The following NPAS3 variants were observed in gnomAD, a reference collection of about 807,000 sequenced individuals.
NPAS3 encodes the protein neuronal PAS domain-containing protein 3.
In NPAS3, 14 loss-of-function variants were observed where a neutral mutation model predicts 73.1. The ratio of observed to expected loss-of-function variants is 0.19; its 90% CI spans 0.13 to 0.30. NPAS3 has a LOEUF of 0.30. NPAS3 is among the 10% of genes least tolerant of loss of function. NPAS3 has a pLI of 1.00. For synonymous variants in NPAS3, 620 were observed against 541.5 expected (o/e 1.14, Z -2.01); for missense variants, 1,096 against 1,250.0 (o/e 0.88, Z 1.86).
chr14:32,935,015 C>A, upstream of NPAS3: 1 of 1,305,294 alleles, frequency 7.7e-7, no homozygotes, highest in Non-Finnish European at 9.8e-7. Context: ...TGAGTAGTCC[C>A]GCCTGGGCTG....
intron 4 of NPAS3, among the ~76,000 whole-genome samples, chr14:33,510,191 A>T (rs1356742899): frequency 6.6e-6 from 1 of 152,014 alleles, no homozygotes; most frequent in African/African-American, 2.4e-5. Flanking sequence ...TGGATACTGA[A>T]ATGAAGCACA....
intron 5 of NPAS3, among the ~76,000 whole-genome samples, chr14:33,638,158 G>A (rs1360696699): frequency 6.6e-6 from 1 of 152,220 alleles, no homozygotes; most frequent in Non-Finnish European, 1.5e-5. Context: ...CCAAGCACTA[G>A]TGACTGTTTG....
chr14:33,055,353 C>T (rs1048165673), intron 1 of NPAS3, among the ~76,000 whole-genome samples: 3 of 152,188 alleles, frequency 2.0e-5, no homozygotes, highest in Non-Finnish European at 4.4e-5. Flanking sequence ...GTGTTCCCGA[C>T]GGCCTTGCTT....
intron 2 of NPAS3, among the ~76,000 whole-genome samples, chr14:33,109,605 C>A (rs1287720732): frequency 3.9e-5 from 6 of 151,900 alleles, no homozygotes; most frequent in African/African-American, 1.5e-4. Flanking sequence ...TATATTCAGT[C>A]CTGCATGTTT....
rs144708818 is a variant in NPAS3 at position 33,740,825 on chromosome 14, G to A, written c.852+5493G>A. ...ACAATTTTTTGTTAAAATATCTTTC[G>A]ATAATTTTTTTTTCTGAATATAAAC... On this transcript the variant is annotated intron_variant, in intron 7 of 11. Transcript: ENST00000356141. Among the ~76,000 whole-genome samples, 4 of 151,978 alleles carry A rather than the reference G, an allele frequency of 2.6e-5. No homozygotes were observed. The East Asian group carries it at 5.8e-4, about 22-fold the overall frequency.
At chr14:33,586,794 A>G (rs550233695) in intron 5 of NPAS3, among the ~76,000 whole-genome samples, 132 of 152,346 alleles carry the variant, frequency 8.7e-4, no homozygotes, top group African/African-American at 3.1e-3. Context: ...TGGCTTTATT[A>G]GGAAGAGGAG....
At chr14:33,764,683 CATGAGGGGCCTCAGGGGGCT>C (rs1290059980) in intron 7 of NPAS3, among the ~76,000 whole-genome samples, 1 of 152,202 alleles carries the variant, frequency 6.6e-6, no homozygotes, top group Non-Finnish European at 1.5e-5. Context: ...GACACTAAGC[CATGAGGGGCCTCAGGGGGCT>C]ATGAAGGGCG....
chr14:33,305,327 G>A (rs997474907), intron 3 of NPAS3, among the ~76,000 whole-genome samples: 7 of 151,790 alleles, frequency 4.6e-5, no homozygotes, highest in Non-Finnish European at 7.4e-5. Context: ...TGCCAAATTC[G>A]CCTAAATCCT....
intron 5 of NPAS3, among the ~76,000 whole-genome samples, chr14:33,594,866 C>T (rs1018016685): frequency 6.6e-6 from 1 of 152,118 alleles, no homozygotes; most frequent in Non-Finnish European, 1.5e-5. Flanking sequence ...CTTCATTCCC[C>T]ATGTAAAATG....
At chr14:33,033,804 A>T (rs2040074759) in intron 1 of NPAS3, among the ~76,000 whole-genome samples, 1 of 152,228 alleles carries the variant, frequency 6.6e-6, no homozygotes, top group Admixed American at 6.5e-5. Flanking sequence ...GTATATTGAC[A>T]TTCCTTTAGT....
intron 7 of NPAS3, among the ~76,000 whole-genome samples, chr14:33,737,928 G>A (rs1295994642): frequency 6.6e-6 from 1 of 152,144 alleles, no homozygotes; most frequent in Non-Finnish European, 1.5e-5. Flanking sequence ...ATCCTAAGAT[G>A]TCAAGCTTTG....
chr14:33,580,505 G>C (rs944872699), intron 5 of NPAS3, among the ~76,000 whole-genome samples: 1 of 152,130 alleles, frequency 6.6e-6, no homozygotes, highest in Non-Finnish European at 1.5e-5. Flanking sequence ...TTAAAGGCTG[G>C]TGAGAGCCTT....
At chr14:33,084,080 A>G (rs1249303946) in intron 2 of NPAS3, among the ~76,000 whole-genome samples, 5 of 152,232 alleles carry the variant, frequency 3.3e-5, no homozygotes, top group Non-Finnish European at 7.3e-5. Flanking sequence ...GTAAAAGTAT[A>G]TCAAAAAGAG....
intron 5 of NPAS3, among the ~76,000 whole-genome samples, chr14:33,647,787 T>C (rs2058876234): frequency 6.6e-6 from 1 of 152,114 alleles, no homozygotes; most frequent in Non-Finnish European, 1.5e-5. Context: ...TTCCCGTATA[T>C]AGTTGGTTTC....
chr14:33,671,150 C>T (rs2059599741), intron 5 of NPAS3, among the ~76,000 whole-genome samples: 1 of 152,166 alleles, frequency 6.6e-6, no homozygotes, highest in Admixed American at 6.5e-5. Flanking sequence ...GCCTACTCCT[C>T]ATCTGCACCA....
chr14:33,693,969 G>A (rs1349304213), intron 6 of NPAS3, among the ~76,000 whole-genome samples: 1 of 151,768 alleles, frequency 6.6e-6, no homozygotes, highest in East Asian at 1.9e-4. Flanking sequence ...AATTGAGCTG[G>A]GATAATTCAC....
At chr14:33,661,111 A>T (rs1184438258) in intron 5 of NPAS3, among the ~76,000 whole-genome samples, 1 of 151,986 alleles carries the variant, frequency 6.6e-6, no homozygotes, top group Non-Finnish European at 1.5e-5. Flanking sequence ...AAAAAAAAAA[A>T]AAAGACAGCC....
chr14:33,197,443 A>AT (rs1215483088), intron 2 of NPAS3, among the ~76,000 whole-genome samples: 1 of 152,080 alleles, frequency 6.6e-6, no homozygotes, highest in Non-Finnish European at 1.5e-5. Flanking sequence ...CATAGACATC[A>AT]TGGCAGTCCC....
At chr14:33,433,206 G>T (rs763401050) in intron 4 of NPAS3, among the ~76,000 whole-genome samples, 1 of 152,024 alleles carries the variant, frequency 6.6e-6, no homozygotes, top group Admixed American at 6.5e-5. Flanking sequence ...TTATAGAAAT[G>T]GTATGTTTTT....
Sources: gnomAD v4.1 joint callset for allele counts (sites outside exome capture counted in the v4.1 genomes callset) on GRCh38, gnomAD v4.1.1 for gene constraint, MANE v1.5 for transcripts, NCBI Gene and HGNC (gene_info 2026-07-23, HGNC 2026-07-21) for gene names.